The following PTPRS variants were observed in gnomAD, a reference collection of about 807,000 sequenced individuals.
The protein encoded by PTPRS is receptor-type tyrosine-protein phosphatase S.
In PTPRS, 63 loss-of-function variants were observed where a neutral mutation model predicts 215.3. The observed-to-expected ratio is 0.29, with a 90% CI of 0.24 to 0.36. The LOEUF is 0.36. Ranked by LOEUF, PTPRS falls within the 10% of genes least tolerant of loss-of-function variation. The pLI is 1.00. For synonymous variants in PTPRS, 1,404 were observed against 1,191.4 expected (o/e 1.18, Z -3.68); for missense variants, 2,258 against 2,825.8 (o/e 0.80, Z 4.56).
At chr19:5,332,582 C>A (rs140396369) in intron 1 of PTPRS, among the ~76,000 whole-genome samples, 2 of 152,128 alleles carry the variant, frequency 1.3e-5, no homozygotes, top group Non-Finnish European at 2.9e-5. Context: ...CCCTGACAGG[C>A]GTTATGGCTT....
Position 5,208,326 on chromosome 19 carries a change from C to G in PTPRS, c.5553G>C (p.Lys1851Asn). 6.2e-7 allele frequency: 1 copy of G among 1,614,016 alleles called. No individual in the cohort carries two copies. The highest frequency in any genetic ancestry group is 1.1e-5 in the South Asian group (1 of 91,064). Residue 1851 changes from lysine to asparagine, a missense_variant, in exon 36 of 38, where the codon AAG (lysine) becomes AAC (asparagine). Physicochemically the swap from Lys to Asn is moderately conservative, Grantham distance 94. Coordinates refer to ENST00000262963, the MANE Select transcript of PTPRS (RefSeq NM_002850.4). The stretch of plus-strand genomic sequence containing the variant: ...TGAAGTCGATGAAGCCCTCCCCCGA[C>G]TTTGGCACACCCTGTTCCGGCCAGT... Reference protein sequence around the residue: ...FTDWPEQGVPKSGEGFIDFIG... With the variant: ...FTDWPEQGVPNSGEGFIDFIG...
chr19:5,225,922 A>C, intron 16 of PTPRS, 78 bp from the exon 17 acceptor site: 1 of 1,223,122 alleles, frequency 8.2e-7, no homozygotes. Context: ...CGTGCTGAGA[A>C]CAAGCAAGGA....
At chr19:5,238,822 C>G in intron 13 of PTPRS, 97 bp downstream of exon 13, 4 of 1,431,232 alleles carry the variant, frequency 2.8e-6, no homozygotes, top group Non-Finnish European at 3.6e-6. Flanking sequence ...CCCCCACCCA[C>G]TGCAGCAGGC....
At chr19:5,272,214 C>T (rs1054737382) in intron 4 of PTPRS, among the ~76,000 whole-genome samples, 3 of 152,114 alleles carry the variant, frequency 2.0e-5, no homozygotes, top group Non-Finnish European at 4.4e-5. Flanking sequence ...TGAAATGATG[C>T]TGAACAAAAA....
chr19:5,229,552 A>G lies in PTPRS; in HGVS notation c.2288T>C (p.Met763Thr). Residue 763 changes from methionine (M) to threonine (T), a missense_variant, in exon 15 of 38, where the codon ATG becomes ACG. This residue lies in a region of PTPRS where 371 missense variants were observed against 446.7 expected (regional missense o/e 0.83). Coordinates refer to ENST00000262963, the MANE Select transcript of PTPRS (RefSeq NM_002850.4). ...IRGYQVHYVR[M>T]EGAEARGPPR... is the part of the protein sequence containing the mutation. ...CGGCCCGCGGGCCTCGGCGCCCTCCATGCGCACGTAGTGGACCTGGTAGCC... is the reference window on the plus strand; with the variant it reads ...CGGCCCGCGGGCCTCGGCGCCCTCCGTGCGCACGTAGTGGACCTGGTAGCC... 1.4e-6 allele frequency: 2 copies of G among 1,465,134 alleles called. No individual in the cohort carries two copies. The highest frequency in any genetic ancestry group is 5.1e-5 in the Admixed American group (2 of 39,050). The allele number at this position is 1,465,134 out of a possible 1,614,324, so 90.8% of individuals were successfully genotyped here.
intron 9 of PTPRS, among the ~76,000 whole-genome samples, chr19:5,246,607 A>G (rs987135587): frequency 1.3e-5 from 2 of 151,972 alleles, no homozygotes; most frequent in African/African-American, 2.4e-5. Flanking sequence ...GCAACTTCCA[A>G]CCCTCCCTGG....
intron 15 of PTPRS, 49 bp from the exon 16 acceptor site, chr19:5,229,391 G>A (rs1408951561): frequency 2.2e-6 from 3 of 1,361,570 alleles, no homozygotes; most frequent in Non-Finnish European, 2.9e-6. Flanking sequence ...GGTGAGCGGG[G>A]GAGGCCAGAG....
At chr19:5,209,602 T>A (rs1485517910) in intron 35 of PTPRS, among the ~76,000 whole-genome samples, 1 of 152,218 alleles carries the variant, frequency 6.6e-6, no homozygotes, top group Non-Finnish European at 1.5e-5. Flanking sequence ...TTCTTAGTCC[T>A]AGTATTTCCC....
intron 1 of PTPRS, among the ~76,000 whole-genome samples, chr19:5,325,142 C>T (rs58987694): frequency 1.1e-3 from 169 of 152,350 alleles, no homozygotes; most frequent in African/African-American, 4.0e-3. Flanking sequence ...ATGACACCTG[C>T]CTCATGGTCC....
In PTPRS at chr19:5,223,085, A is replaced by T. The variant is rs2145417630; in HGVS notation, c.2707T>A (p.Phe903Ile). The T allele has an allele frequency of 6.4e-7, 1 of 1,561,462 alleles. No individual in the cohort carries two copies. The highest frequency in any genetic ancestry group is 1.4e-5 in the African/African-American group (1 of 73,620). The change falls in exon 18 of 38, where the codon TTC (phenylalanine) becomes ATC (isoleucine). Residue 903 changes from phenylalanine to isoleucine, a missense_variant. This residue lies in a region of PTPRS where 361 missense variants were observed against 332.6 expected (regional missense o/e 1.09). Coordinates refer to ENST00000262963, the MANE Select transcript of PTPRS (RefSeq NM_002850.4). ...CCGCGGCTCCGGGCCGCAAGCCGGAACACATACGTGGCCCCCTTGTGCACG... is the reference window on the plus strand; with the variant it reads ...CCGCGGCTCCGGGCCGCAAGCCGGATCACATACGTGGCCCCCTTGTGCACG... ...SGVHKGATYV[F>I]RLAARSRGGL... is the part of the protein sequence containing the mutation.
At chr19:5,214,106 G>C (rs1014571170) in intron 30 of PTPRS, among the ~76,000 whole-genome samples, 2 of 152,202 alleles carry the variant, frequency 1.3e-5, no homozygotes, top group African/African-American at 4.8e-5. Flanking sequence ...AAGGCAAGAA[G>C]AAATCAGGCT....
rs780427929 is a variant in PTPRS at position 5,222,837 on chromosome 19, T to C, written c.2955A>G (p.Ala985=). 4 of 1,594,184 alleles carry C rather than the reference T, an allele frequency of 2.5e-6. No homozygotes were observed. Among genetic ancestry groups the C allele is most frequent in the Admixed American group, 3.4e-5 (2 of 59,696 alleles). The change falls in exon 18 of 38, where the codon GCA becomes GCG. Residue 985 remains alanine, a synonymous_variant. Transcript: ENST00000262963. The part of the protein sequence containing the change: ...LGPARETELP[A]AAEPGAENAL... Reference sequence around the variant, plus strand: ...CGTTCTCCGCGCCCGGCTCAGCCGCTGCCGGCAGCTCAGTCTCTCGGGCAG... The same window carrying C: ...CGTTCTCCGCGCCCGGCTCAGCCGCCGCCGGCAGCTCAGTCTCTCGGGCAG...
At chr19:5,232,131 A>C (rs779273982) in intron 13 of PTPRS, among the ~76,000 whole-genome samples, 5 of 152,054 alleles carry the variant, frequency 3.3e-5, no homozygotes, top group Non-Finnish European at 7.4e-5. Context: ...ACGGCAACAG[A>C]AGCTCCACTT....
At position 5,223,397 on chromosome 19, in the gene PTPRS, AT is replaced by A. The variant is rs1305934282; in HGVS notation, c.2495-101del. The A allele has an allele frequency of 1.9e-5, 24 of 1,278,608 alleles. No homozygotes were observed. In the Admixed American group the frequency reaches 2.1e-4, roughly 11 times the overall value. 79.2% of individuals were successfully genotyped at this position (1,278,608 alleles called of 1,614,324 possible). Reference sequence around the variant, plus strand: ...TTTAATTCTTTTCCTTCAATATAACATTTTTTTGAGTTGGGGGGGGTCTTAC... The same window carrying A: ...TTTAATTCTTTTCCTTCAATATAACATTTTTTGAGTTGGGGGGGGTCTTAC... On this transcript the variant is annotated intron_variant, in intron 17 of 37. Transcript: ENST00000262963.
intron 26 of PTPRS, among the ~76,000 whole-genome samples, chr19:5,216,289 T>C (rs970700035): frequency 6.6e-6 from 1 of 152,082 alleles, no homozygotes; most frequent in African/African-American, 2.4e-5. Flanking sequence ...CTTCCCGATA[T>C]CTGGGTCTGC....
rs1351393230 is a variant in PTPRS at position 5,244,721 on chromosome 19, C to T, written c.989-239G>A. ...TTGAGATGGAGTCTCACTCTGTCAC[C>T]CACAGTGGCACGATCTCGGCTCACT... On this transcript the variant is annotated intron_variant, in intron 10 of 37. Transcript: ENST00000262963. This position sits in a 1 kb window ranked among gnomAD's most constrained non-coding sequence, Gnocchi z 7.2. Among the ~76,000 whole-genome samples the T allele has an allele frequency of 6.6e-6, 1 of 152,164 alleles. No homozygotes were observed. Among genetic ancestry groups the T allele is most frequent in the African/African-American group, 2.4e-5 (1 of 41,440 alleles).
chr19:5,334,561 C>A (rs2050432458), intron 1 of PTPRS, among the ~76,000 whole-genome samples: 1 of 152,250 alleles, frequency 6.6e-6, no homozygotes. Context: ...CCCATGCAGC[C>A]TCAGTCCAGC....
In PTPRS at chr19:5,278,027, C is replaced by T. The variant is rs142081368; in HGVS notation, c.92-3683G>A. 1.7e-3 allele frequency: 2,037 copies of T among 1,200,838 alleles called. 16 individuals are homozygous for T. In the African/African-American group the frequency reaches 0.017, roughly 10 times the overall value. 74.4% of individuals were successfully genotyped at this position (1,200,838 alleles called of 1,614,324 possible). ...GCAACAAATCTCCCTGTGCTGAGAT[C>T]GCTCACAGTGTTTCCTCCAAGAAAC... is the stretch of plus-strand genomic sequence containing the variant. On this transcript the variant is annotated intron_variant, in intron 2 of 37. Transcript: ENST00000262963.
At position 5,273,582 on chromosome 19, in the gene PTPRS, G is replaced by A. The variant is rs146675930; in HGVS notation, c.239C>T (p.Thr80Met). ...CCCTGCACTCTCATCAAACTCAATC[G>A]TCTGCCATGGGCAGGGGAAAAAAGA... ...GKKVNSQRFE[T>M]IEFDESAGAV... is the part of the protein sequence containing the mutation. Residue 80 changes from threonine to methionine, a missense_variant and splice_region_variant, in exon 4 of 38, where the codon ACG becomes ATG. Thr to Met is a moderately conservative substitution (Grantham distance 81). Coordinates refer to ENST00000262963, the MANE Select transcript of PTPRS (RefSeq NM_002850.4). 3.3e-5 allele frequency: 54 copies of A among 1,613,946 alleles called. No homozygotes were observed. Among genetic ancestry groups the A allele is most frequent in the Non-Finnish European group, 4.2e-5 (50 of 1,180,012 alleles).
Sources: gnomAD v4.1 joint callset for allele counts (sites outside exome capture counted in the v4.1 genomes callset) on GRCh38, gnomAD v4.1.1 for gene constraint, gnomAD v4.1.1 regional missense constraint, Gnocchi (gnomAD v3.1) non-coding constraint, MANE v1.5 for transcripts, NCBI Gene and HGNC (gene_info 2026-07-23, HGNC 2026-07-21) for gene names.